LMNTD1: variants seen among roughly 807,000 people sequenced by gnomAD.
LMNTD1 encodes the protein lamin tail domain containing 1.
Under a neutral mutation model 50.9 loss-of-function variants are expected in LMNTD1, and 35 were observed. The observed-to-expected ratio is 0.69, with a 90% CI of 0.53 to 0.91. The LOEUF is 0.91. LMNTD1 is among the 40% of genes least tolerant of loss of function. The probability of loss-of-function intolerance (pLI) is 0.00; values close to 1 mark genes in which losing one functional copy is unlikely to be tolerated. For missense variants in LMNTD1, 470 were observed against 475.5 expected, an observed-to-expected ratio of 0.99 and a Z score of 0.11; for synonymous variants, 153 against 161.9, an observed-to-expected ratio of 0.94 and a Z score of 0.42.
At chr12:25,509,362 C>T (rs1309463004) in intron 8 of LMNTD1, among the ~76,000 whole-genome samples, 1 of 152,206 alleles carries the variant, frequency 6.6e-6, no homozygotes, top group Admixed American at 6.5e-5. Flanking sequence ...CCTGCCTCGG[C>T]CTCCCAAAGT....
intron 6 of LMNTD1, among the ~76,000 whole-genome samples, chr12:25,523,045 T>C (rs1941443405): frequency 6.6e-6 from 1 of 152,152 alleles, no homozygotes; most frequent in African/African-American, 2.4e-5. Context: ...TTATTTTTAT[T>C]TTTTTTCGAG....
chr12:25,603,726 A>G (rs1443162046), intron 1 of LMNTD1, among the ~76,000 whole-genome samples: 3 of 152,114 alleles, frequency 2.0e-5, no homozygotes, highest in Non-Finnish European at 2.9e-5. Context: ...CAAATAGCAT[A>G]GGGCAGAATA....
At chr12:25,511,485 G>A (rs1940292787) in intron 8 of LMNTD1, among the ~76,000 whole-genome samples, 1 of 152,216 alleles carries the variant, frequency 6.6e-6, no homozygotes, top group Admixed American at 6.5e-5. Flanking sequence ...CACTTGTAGG[G>A]CATCCAACTA....
At chr12:25,576,372 T>C (rs1189526293) in intron 1 of LMNTD1, among the ~76,000 whole-genome samples, 1 of 152,222 alleles carries the variant, frequency 6.6e-6, no homozygotes, top group African/African-American at 2.4e-5. Context: ...GACTTTTTAA[T>C]GATCGCCATT....
rs796921140 is a variant in LMNTD1 at position 25,642,937 on chromosome 12, G to A, written c.58+5557C>T. Among the ~76,000 whole-genome samples the A allele has an allele frequency of 1.1e-4, 16 of 152,208 alleles. 1 individual carries two copies. Among genetic ancestry groups the A allele is most frequent in the Middle Eastern group, 6.8e-3 (2 of 294 alleles). On this transcript the variant is annotated intron_variant, in intron 1 of 7. Transcript: ENST00000445693. The stretch of plus-strand genomic sequence containing the variant: ...CAAATCTTCTATTTAGTCATGCCAC[G>A]TCTATGATATATTTTCGATATTAGA...
At chr12:25,562,281 T>C (rs1054016839) in intron 1 of LMNTD1, among the ~76,000 whole-genome samples, 1 of 152,240 alleles carries the variant, frequency 6.6e-6, no homozygotes, top group African/African-American at 2.4e-5. Context: ...TAACGATTGT[T>C]CCTTTCCATG....
chr12:25,641,661 C>A (rs1946961250), intron 1 of LMNTD1, among the ~76,000 whole-genome samples: 1 of 151,868 alleles, frequency 6.6e-6, no homozygotes, highest in Non-Finnish European at 1.5e-5. Context: ...ATTATTTATC[C>A]ACAAGGGTAA....
At chr12:25,560,782 C>T (rs925705256) in intron 1 of LMNTD1, among the ~76,000 whole-genome samples, 1 of 152,090 alleles carries the variant, frequency 6.6e-6, no homozygotes, top group Non-Finnish European at 1.5e-5. Context: ...ATATTTTATT[C>T]TCTTTGAAGC....
chr12:25,520,136 TGA>T (rs1363532216), intron 6 of LMNTD1, 61 bp from the exon 7 acceptor site: 9 of 364,252 alleles, frequency 2.5e-5, no homozygotes, highest in Non-Finnish European at 4.3e-5. Flanking sequence ...CATGCTGTTA[TGA>T]GATATACATA....
chr12:25,518,654 A>T, intron 8 of LMNTD1, 141 bp downstream of exon 8: 3 of 709,102 alleles, frequency 4.2e-6, no homozygotes, highest in Non-Finnish European at 7.2e-6. Context: ...GGTTAACAAT[A>T]CTTCCTTTAA....
At chr12:25,494,953 T>C (rs1283022042) in intron 9 of LMNTD1, among the ~76,000 whole-genome samples, 3 of 152,208 alleles carry the variant, frequency 2.0e-5, no homozygotes, top group African/African-American at 4.8e-5. Context: ...TTGTTCATCC[T>C]GTTTAACTGA....
intron 6 of LMNTD1, among the ~76,000 whole-genome samples, chr12:25,525,736 T>A (rs563173411): frequency 2.0e-5 from 3 of 152,126 alleles, no homozygotes; most frequent in African/African-American, 7.2e-5. Flanking sequence ...AACATAAGGA[T>A]AACTATCCAT....
At position 25,599,266 on chromosome 12, in the gene LMNTD1, G is replaced by GA. The variant is rs551600006; in HGVS notation, c.58+49227dup. Among the ~76,000 whole-genome samples, 316 of 151,842 alleles carry GA rather than the reference G, an allele frequency of 2.1e-3. 2 individuals are homozygous for GA. Among genetic ancestry groups the GA allele is most frequent in the African/African-American group, 7.4e-3 (308 of 41,444 alleles). On this transcript the variant is annotated intron_variant, in intron 1 of 7. Transcript: ENST00000445693. ...TTCATAAAATTCAACATCCCTTCAT[G>GA]AAAAAAACCCTAAAAAAGCTGAGTA...
At chr12:25,586,490 A>G (rs532179183) in intron 1 of LMNTD1, among the ~76,000 whole-genome samples, 11 of 152,120 alleles carry the variant, frequency 7.2e-5, no homozygotes, top group African/African-American at 2.7e-4. Flanking sequence ...GTTGTCCTCC[A>G]CTTTCATTTT....
intron 8 of LMNTD1, among the ~76,000 whole-genome samples, chr12:25,504,295 G>A (rs1029283996): frequency 6.6e-6 from 1 of 152,162 alleles, no homozygotes; most frequent in African/African-American, 2.4e-5. Flanking sequence ...ATGATGCTTC[G>A]CCTGCTATGT....
intron 1 of LMNTD1, among the ~76,000 whole-genome samples, chr12:25,632,378 C>CT (rs1006037948): frequency 2.0e-5 from 3 of 152,178 alleles, no homozygotes; most frequent in African/African-American, 4.8e-5. Flanking sequence ...AGGAATCAAT[C>CT]TTAAGAGCTG....
intron 8 of LMNTD1, among the ~76,000 whole-genome samples, chr12:25,515,623 A>C (rs144391529): frequency 5.3e-4 from 80 of 152,260 alleles, no homozygotes; most frequent in African/African-American, 1.7e-3. Flanking sequence ...TTCATTCTGC[A>C]TGATTAATAT....
intron 1 of LMNTD1, among the ~76,000 whole-genome samples, chr12:25,621,926 G>A (rs554891354): frequency 1.3e-5 from 2 of 152,336 alleles, no homozygotes; most frequent in South Asian, 4.1e-4. Context: ...TCCATAGTAA[G>A]AGGATCACCC....
intron 8 of LMNTD1, among the ~76,000 whole-genome samples, chr12:25,509,490 AT>A (rs1053729290): frequency 6.6e-6 from 1 of 152,192 alleles, no homozygotes; most frequent in Non-Finnish European, 1.5e-5. Flanking sequence ...ATAAGTTGCT[AT>A]TTTTACAACC....
Sources: gnomAD v4.1 joint callset for allele counts (sites outside exome capture counted in the v4.1 genomes callset) on GRCh38, gnomAD v4.1.1 for gene constraint, MANE v1.5 for transcripts, NCBI Gene and HGNC (gene_info 2026-07-23, HGNC 2026-07-21) for gene names.